The following PVT1 variants were observed in gnomAD, a reference collection of about 807,000 sequenced individuals.
PVT1 encodes the protein Pvt1 oncogene.
chr8:128,041,207 ATG>A (rs769436938), intron 4 of PVT1, among the ~76,000 whole-genome samples: 4 of 56,384 alleles, frequency 7.1e-5, no homozygotes. Context: ...GTGTGTTTGC[ATG>A]TGTGTTTGTG....
At chr8:128,028,011 C>T (rs532089210) in intron 4 of PVT1, among the ~76,000 whole-genome samples, 1 of 152,362 alleles carries the variant, frequency 6.6e-6, no homozygotes, top group South Asian at 2.1e-4. Context: ...GCATCTCTCC[C>T]CAGTCCTCCC....
chr8:128,022,786 T>C (rs1817453224), intron 4 of PVT1, among the ~76,000 whole-genome samples: 1 of 152,162 alleles, frequency 6.6e-6, no homozygotes, highest in Non-Finnish European at 1.5e-5. Context: ...TGGCCCTAAT[T>C]CTTCACTCAT....
chr8:128,021,349 G>A (rs575405732), intron 4 of PVT1, among the ~76,000 whole-genome samples: 1 of 132,970 alleles, frequency 7.5e-6, no homozygotes, highest in African/African-American at 2.9e-5. Context: ...GCTGGAGCAC[G>A]GTGGCGCAAT....
chr8:127,922,997 T>C (rs1175567243), intron 3 of PVT1, among the ~76,000 whole-genome samples: 1 of 152,244 alleles, frequency 6.6e-6, no homozygotes, highest in African/African-American at 2.4e-5. Flanking sequence ...CCCTGACCCA[T>C]ATTTTGGGCA....
intron 2 of PVT1, among the ~76,000 whole-genome samples, chr8:127,831,678 C>T (rs765583758): frequency 3.3e-5 from 5 of 152,030 alleles, no homozygotes; most frequent in Non-Finnish European, 7.4e-5. Context: ...AAAAACATGC[C>T]GGGAGCCTAG....
chr8:127,797,947 T>G (rs889471531), intron 2 of PVT1, among the ~76,000 whole-genome samples: 9 of 152,064 alleles, frequency 5.9e-5, no homozygotes, highest in African/African-American at 2.4e-5. Flanking sequence ...GCTGTAGAGA[T>G]TTGGACCACA....
intron 3 of PVT1, among the ~76,000 whole-genome samples, chr8:127,919,862 G>A (rs577905525): frequency 1.5e-4 from 23 of 152,328 alleles, no homozygotes; most frequent in Middle Eastern, 3.4e-3. Flanking sequence ...TACATTTTGT[G>A]CCAGCAGTTT....
At chr8:127,960,940 G>C (rs1241389507) in intron 3 of PVT1, among the ~76,000 whole-genome samples, 6 of 120,530 alleles carry the variant, frequency 5.0e-5, no homozygotes, top group Admixed American at 1.5e-4. Flanking sequence ...GTGTGTTTGG[G>C]GGTGGGGGGG....
At chr8:128,034,142 A>T (rs1443618986) in intron 4 of PVT1, among the ~76,000 whole-genome samples, 1 of 150,976 alleles carries the variant, frequency 6.6e-6, no homozygotes, top group African/African-American at 2.4e-5. Flanking sequence ...TAGAAACAAG[A>T]TGTTCTCTAC....
rs111928763 is a variant in PVT1 at position 127,968,598 on chromosome 8, G to C, written n.783-20564G>C. Among the ~76,000 whole-genome samples, 286 of 152,292 alleles carry C rather than the reference G, an allele frequency of 1.9e-3. 1 individual carries two copies. Among genetic ancestry groups the C allele is most frequent in the African/African-American group, 6.3e-3 (262 of 41,566 alleles). On this transcript the variant is annotated intron_variant and non_coding_transcript_variant, in intron 3 of 10. Coordinates refer to ENST00000651587, the Ensembl canonical transcript of PVT1. ...TTAGGCAAAAGCTGGCCAGTAGGGT[G>C]TATCAGGGAGGCCCTAAAAGGGTTA...
At chr8:127,916,574 A>G (rs1815988057) in intron 3 of PVT1, among the ~76,000 whole-genome samples, 1 of 152,086 alleles carries the variant, frequency 6.6e-6, no homozygotes, top group South Asian at 2.1e-4. Flanking sequence ...CAAGCAGGAG[A>G]TAGATGATTT....
At chr8:127,937,618 G>T (rs1483840442) in intron 3 of PVT1, among the ~76,000 whole-genome samples, 1 of 146,786 alleles carries the variant, frequency 6.8e-6, no homozygotes, top group African/African-American at 2.5e-5. Context: ...GACCAACGTG[G>T]CCTCTCTAAA....
At chr8:127,889,420 G>T (rs1047608778) in intron 2 of PVT1, among the ~76,000 whole-genome samples, 1 of 150,622 alleles carries the variant, frequency 6.6e-6, no homozygotes, top group Admixed American at 6.6e-5. Flanking sequence ...GTGAGCCACC[G>T]CGCCCAGCCT....
intron 4 of PVT1, among the ~76,000 whole-genome samples, chr8:128,052,941 G>A (rs1158684585): frequency 6.6e-6 from 1 of 152,220 alleles, no homozygotes; most frequent in African/African-American, 2.4e-5. Flanking sequence ...AAACCTCACA[G>A]TGGCTCCAGG....
intron 3 of PVT1, among the ~76,000 whole-genome samples, chr8:127,921,210 G>A (rs1437529614): frequency 2.0e-5 from 3 of 152,116 alleles, no homozygotes; most frequent in Admixed American, 6.5e-5. Context: ...CCTGTGTGCC[G>A]AGCGCTGAGT....
At chr8:128,002,952 T>TCCCA (rs1817198032) in intron 4 of PVT1, among the ~76,000 whole-genome samples, 1 of 65,632 alleles carries the variant, frequency 1.5e-5, no homozygotes. Flanking sequence ...CCTCTCTGCC[T>TCCCA]CCCTCCCTCC....
chr8:128,003,332 C>G (rs1817207022), intron 4 of PVT1, among the ~76,000 whole-genome samples: 1 of 149,990 alleles, frequency 6.7e-6, no homozygotes, highest in Non-Finnish European at 1.5e-5. Context: ...TCCTCTGCTC[C>G]CCTGCCCTCC....
intron 4 of PVT1, among the ~76,000 whole-genome samples, chr8:128,036,395 G>A (rs1586491453): frequency 6.6e-6 from 1 of 152,202 alleles, no homozygotes; most frequent in African/African-American, 2.4e-5. Flanking sequence ...TCATCGACAG[G>A]AAGGCACTGG....
chr8:127,875,091 C>A (rs1346686104), intron 2 of PVT1, among the ~76,000 whole-genome samples: 1 of 152,288 alleles, frequency 6.6e-6, no homozygotes, highest in South Asian at 2.1e-4. Flanking sequence ...TTGCTAGTTG[C>A]ACTCAGTTTT....
Sources: gnomAD v4.1 joint callset for allele counts (sites outside exome capture counted in the v4.1 genomes callset) on GRCh38, gnomAD v4.1.1 for gene constraint, MANE v1.5 for transcripts, NCBI Gene and HGNC (gene_info 2026-07-23, HGNC 2026-07-21) for gene names.